Variants in RYR2 observed in about 807,000 individuals in gnomAD.
RYR2 encodes the protein cardiac muscle ryanodine receptor-calcium release channel.
A neutral mutation model predicts 601.1 loss-of-function variants in RYR2; 227 were observed. That is an observed-to-expected ratio of 0.38 (90% CI 0.34 to 0.42). RYR2 has a LOEUF of 0.42. RYR2 is among the 10% of genes least tolerant of loss of function. The pLI is 1.00. For missense variants in RYR2, 4,646 were observed against 6,156.5 expected (o/e 0.75, Z 8.21); for synonymous variants, 2,223 against 2,175.1 (o/e 1.02, Z -0.61).
chr1:237,689,607 T>G (rs1483959147), intron 63 of RYR2, among the ~76,000 whole-genome samples: 1 of 152,198 alleles, frequency 6.6e-6, no homozygotes, highest in Non-Finnish European at 1.5e-5. Flanking sequence ...AATTAGACAT[T>G]GTGGTTTCAT....
intron 1 of RYR2, among the ~76,000 whole-genome samples, chr1:237,166,971 TA>T (rs1404597644): frequency 1.3e-5 from 2 of 152,178 alleles, no homozygotes; most frequent in African/African-American, 4.8e-5. Flanking sequence ...TGAATGAAAA[TA>T]TGCTGACAAA....
intron 24 of RYR2, among the ~76,000 whole-genome samples, chr1:237,517,614 C>T (rs1023022542): frequency 6.6e-6 from 1 of 151,736 alleles, no homozygotes; most frequent in Non-Finnish European, 1.5e-5. Flanking sequence ...CTGTAAGCTC[C>T]ATGAAGCCAG....
rs1678196776 is a variant in RYR2 at position 237,614,065 on chromosome 1, A to G, written c.4937A>G (p.Glu1646Gly). The G allele has an allele frequency of 6.2e-7, 1 of 1,613,856 alleles. No individual in the cohort carries two copies. The highest frequency in any genetic ancestry group is 8.5e-7 in the Non-Finnish European group (1 of 1,179,772). Reference sequence around the variant, plus strand: ...TCTGTTGACATCTTAGAGTTGACAGAGCAGGAGGAATTGCTGAAATTTCAC... The same window carrying G: ...TCTGTTGACATCTTAGAGTTGACAGGGCAGGAGGAATTGCTGAAATTTCAC... ...NRSVDILELT[E>G]QEELLKFHYH... Residue 1646 changes from glutamate (E) to glycine (G), a missense_variant, in exon 37 of 105, where the codon GAG (glutamate) becomes GGG (glycine). This residue lies in a region of RYR2 where 1,807 missense variants were observed against 2,088.1 expected (regional missense o/e 0.87). Coordinates refer to ENST00000366574, the MANE Select transcript of RYR2 (RefSeq NM_001035.3). The surrounding 1 kb of genome is among the most constrained non-coding windows in gnomAD (Gnocchi z 4.3).
At chr1:237,236,260 C>T (rs977034393) in intron 1 of RYR2, among the ~76,000 whole-genome samples, 6 of 152,202 alleles carry the variant, frequency 3.9e-5, no homozygotes, top group Non-Finnish European at 8.8e-5. Context: ...TCGTAGCACT[C>T]ATTGTGAGAA....
At chr1:237,623,496 C>T (rs1679318534) in intron 38 of RYR2, among the ~76,000 whole-genome samples, 1 of 143,200 alleles carries the variant, frequency 7.0e-6, no homozygotes, top group African/African-American at 2.6e-5. Context: ...CAGGTTCAAA[C>T]AATTCTACTG....
chr1:237,681,737 A>G (rs1305210457), intron 62 of RYR2, among the ~76,000 whole-genome samples: 1 of 151,912 alleles, frequency 6.6e-6, no homozygotes, highest in East Asian at 1.9e-4. Flanking sequence ...CTTCCTTCCC[A>G]CCTTCACTGG....
chr1:237,380,407 TA>T (rs1701400157), intron 8 of RYR2, among the ~76,000 whole-genome samples: 3 of 36,124 alleles, frequency 8.3e-5, no homozygotes, highest in Admixed American at 3.4e-4. Context: ...TATATATATA[TA>T]TATATATATA....
At chr1:237,619,454 G>A (rs12116958) in intron 38 of RYR2, among the ~76,000 whole-genome samples, 6,598 of 152,206 alleles carry the variant, frequency 0.043, 200 homozygotes, top group Non-Finnish European at 0.064. Context: ...TGAAGAGAGG[G>A]TGATATCAAC....
chr1:237,414,070 A>G (rs889674587), intron 10 of RYR2, among the ~76,000 whole-genome samples: 20 of 152,146 alleles, frequency 1.3e-4, no homozygotes, highest in African/African-American at 4.1e-4. Flanking sequence ...TACGATGAGT[A>G]AAAGTCTTTA....
intron 80 of RYR2, 25 bp downstream of exon 80, chr1:237,742,374 CCTTT>C (rs1178143223): frequency 6.0e-6 from 9 of 1,495,926 alleles, no homozygotes; most frequent in Admixed American, 5.7e-5. Context: ...TCTGGATTTG[CCTTT>C]CTTTCTATCT....
At chr1:237,749,108 A>G (rs1420150222) in intron 80 of RYR2, among the ~76,000 whole-genome samples, 1 of 152,204 alleles carries the variant, frequency 6.6e-6, no homozygotes, top group East Asian at 1.9e-4. Context: ...AGCAGCATAT[A>G]TTTGTGCACT....
At position 237,635,114 on chromosome 1, in the gene RYR2, G is replaced by A. The variant is rs75658478; in HGVS notation, c.6792+122G>A. 15,679 of 639,190 alleles carry A rather than the reference G, an allele frequency of 0.025. 239 individuals are homozygous for A. Among genetic ancestry groups the A allele is most frequent in the Middle Eastern group, 0.044 (168 of 3,828 alleles). 39.6% of individuals were successfully genotyped at this position (639,190 alleles called of 1,614,324 possible). A position where few individuals can be genotyped will look rare whatever the true frequency, so the allele number is the denominator to read the frequency against. ...TGTGGTTTTGCAATGTGACATTATG[G>A]CCAAAACCGCAATTAATTTTGCACC... On this transcript the variant is annotated intron_variant, in intron 44 of 104. Coordinates refer to ENST00000366574, the MANE Select transcript of RYR2 (RefSeq NM_001035.3).
intron 3 of RYR2, among the ~76,000 whole-genome samples, chr1:237,344,877 G>T (rs1056490211): frequency 1.3e-5 from 2 of 151,946 alleles, no homozygotes; most frequent in Non-Finnish European, 2.9e-5. Flanking sequence ...CACCATCTTG[G>T]TTCACTGCAA....
At chr1:237,608,473 G>A (rs551505081) in intron 35 of RYR2, among the ~76,000 whole-genome samples, 3 of 152,230 alleles carry the variant, frequency 2.0e-5, no homozygotes, top group African/African-American at 7.2e-5. Context: ...GAGGAAGGAG[G>A]AATCACTTGA....
At chr1:237,831,979 TA>T (rs1328686373) in intron 104 of RYR2, among the ~76,000 whole-genome samples, 1 of 152,138 alleles carries the variant, frequency 6.6e-6, no homozygotes, top group Non-Finnish European at 1.5e-5. Context: ...AGATTGTTAG[TA>T]GTTTGAATTT....
chr1:237,561,208 G>C (rs771236947), intron 27 of RYR2, among the ~76,000 whole-genome samples: 2 of 152,154 alleles, frequency 1.3e-5, no homozygotes, highest in African/African-American at 2.4e-5. Context: ...GACAAGGTTT[G>C]ATTTTACCGA....
intron 71 of RYR2, among the ~76,000 whole-genome samples, chr1:237,716,593 T>C (rs1486251876): frequency 1.3e-5 from 2 of 152,196 alleles, no homozygotes; most frequent in Admixed American, 1.3e-4. Context: ...CATGGCAGTA[T>C]TCAGTTGTAA....
chr1:237,387,596 G>A lies in RYR2; in HGVS notation c.676+216G>A, dbSNP rs1055943550. The stretch of plus-strand genomic sequence containing the variant: ...AATCTTCCCTTATTTTTATGCTACT[G>A]TCAGCTTTAGTTTATTTGTGTATGC... On this transcript the variant is annotated intron_variant, in intron 9 of 104. Coordinates refer to ENST00000366574, the MANE Select transcript of RYR2 (RefSeq NM_001035.3). Among the ~76,000 whole-genome samples the A allele has an allele frequency of 3.3e-5, 5 of 152,106 alleles. No homozygotes were observed. In the East Asian group the frequency reaches 9.6e-4, roughly 29 times the overall value.
chr1:237,321,172 A>C (rs968639453), intron 2 of RYR2, among the ~76,000 whole-genome samples: 2 of 152,058 alleles, frequency 1.3e-5, no homozygotes, highest in African/African-American at 4.8e-5. Context: ...TAAAGTGGGG[A>C]TAATAATACT....
Sources: allele counts gnomAD v4.1 joint callset (sites outside exome capture counted in the v4.1 genomes callset), GRCh38; gene constraint gnomAD v4.1.1; regional missense constraint gnomAD v4.1.1; non-coding constraint Gnocchi (gnomAD v3.1); transcripts MANE v1.5; gene names NCBI Gene and HGNC (gene_info 2026-07-23, HGNC 2026-07-21).